The following LRP1B variants were observed in gnomAD, a reference collection of about 807,000 sequenced individuals.
LRP1B encodes the protein LDL receptor related protein 1B.
LRP1B carries 217 observed loss-of-function variants against 556.6 expected under a neutral mutation model. The ratio of observed to expected loss-of-function variants is 0.39; its 90% confidence interval spans 0.35 to 0.44. The LOEUF is 0.44. Ranked by LOEUF, LRP1B falls within the 20% of genes least tolerant of loss-of-function variation. The pLI, the probability that LRP1B is intolerant of heterozygous loss-of-function variation, is 1.00. For missense variants in LRP1B, 5,053 were observed against 5,620.8 expected (o/e 0.90, Z 3.23); for synonymous variants, 2,047 against 1,865.8 (o/e 1.10, Z -2.50).
At chr2:141,148,045 A>C (rs1461951681) in intron 7 of LRP1B, among the ~76,000 whole-genome samples, 2 of 152,176 alleles carry the variant, frequency 1.3e-5, no homozygotes, top group Non-Finnish European at 2.9e-5. Context: ...TGATGCTCAC[A>C]GAAGGACAAA....
intron 53 of LRP1B, 41 bp downstream of exon 53, chr2:140,506,753 CTT>C: frequency 1.3e-6 from 2 of 1,584,902 alleles, no homozygotes; most frequent in South Asian, 1.2e-5. Context: ...TTGAAAGACT[CTT>C]AGCCTAGGAA....
chr2:140,898,940 G>T (rs1222574815), intron 23 of LRP1B: 3 of 377,858 alleles, frequency 7.9e-6, no homozygotes, highest in Non-Finnish European at 1.0e-5. Flanking sequence ...AAGATATCTG[G>T]CTGTCCTTGC....
At chr2:141,690,623 C>T (rs1691494497) in intron 2 of LRP1B, among the ~76,000 whole-genome samples, 1 of 150,506 alleles carries the variant, frequency 6.6e-6, no homozygotes, top group Non-Finnish European at 1.5e-5. Flanking sequence ...ACATCAATAA[C>T]TAGGGATTCT....
chr2:140,550,315 C>T (rs1434566024), intron 43 of LRP1B, among the ~76,000 whole-genome samples: 2 of 152,070 alleles, frequency 1.3e-5, no homozygotes, highest in African/African-American at 2.4e-5. Context: ...TCTTTTCCTC[C>T]TAGGGGAAAG....
At chr2:140,986,242 T>C (rs1232912087) in intron 17 of LRP1B, among the ~76,000 whole-genome samples, 3 of 152,090 alleles carry the variant, frequency 2.0e-5, no homozygotes, top group Non-Finnish European at 4.4e-5. Flanking sequence ...TAGAACACGA[T>C]ATATCTATCC....
chr2:141,221,917 C>T (rs1303195554), intron 6 of LRP1B, among the ~76,000 whole-genome samples: 3 of 152,182 alleles, frequency 2.0e-5, no homozygotes, highest in Non-Finnish European at 4.4e-5. Flanking sequence ...CTCTGGGATG[C>T]AGCTAAAGCA....
intron 2 of LRP1B, among the ~76,000 whole-genome samples, chr2:141,555,723 C>A (rs371242491): frequency 3.3e-5 from 5 of 151,862 alleles, no homozygotes; most frequent in Admixed American, 6.6e-5. Flanking sequence ...ACCTCCTACA[C>A]AGCTTTCTAG....
intron 1 of LRP1B, among the ~76,000 whole-genome samples, chr2:141,911,106 T>C (rs1699897471): frequency 6.6e-6 from 1 of 152,090 alleles, no homozygotes; most frequent in Admixed American, 6.6e-5. Context: ...AAGGTTTTTT[T>C]AATACCACTT....
chr2:141,640,775 C>G (rs2105363889), intron 2 of LRP1B, among the ~76,000 whole-genome samples: 1 of 151,148 alleles, frequency 6.6e-6, no homozygotes, highest in East Asian at 2.0e-4. Context: ...GCCTGGGTGA[C>G]AGAGTGAGAC....
chr2:140,892,352 G>A (rs1693822846), intron 23 of LRP1B, among the ~76,000 whole-genome samples: 2 of 152,138 alleles, frequency 1.3e-5, no homozygotes, highest in African/African-American at 4.8e-5. Context: ...TTAGAACATA[G>A]TGTTGATTTC....
intron 41 of LRP1B, among the ~76,000 whole-genome samples, chr2:140,649,200 TGGTAGTGA>T (rs985678825): frequency 6.6e-6 from 1 of 152,184 alleles, no homozygotes; most frequent in African/African-American, 2.4e-5. Context: ...TTCTCTATCC[TGGTAGTGA>T]TTTCCTACCT....
chr2:141,429,468 GA>G (rs1680488302), intron 3 of LRP1B, among the ~76,000 whole-genome samples: 1 of 152,094 alleles, frequency 6.6e-6, no homozygotes, highest in Non-Finnish European at 1.5e-5. Flanking sequence ...CTTGGTTAAG[GA>G]AAACTGTTTT....
chr2:141,479,316 A>G (rs1682827703), intron 3 of LRP1B, among the ~76,000 whole-genome samples: 1 of 152,130 alleles, frequency 6.6e-6, no homozygotes, highest in African/African-American at 2.4e-5. Context: ...CATATTATTG[A>G]CTATACAATG....
chr2:141,341,180 A>G (rs13388305), intron 3 of LRP1B, among the ~76,000 whole-genome samples: 7,706 of 152,262 alleles, frequency 0.051, 637 homozygotes, highest in African/African-American at 0.17. Context: ...GCTAATCTGC[A>G]GATGAAGTAG....
At chr2:140,290,993 T>C (rs548470373) in intron 84 of LRP1B, among the ~76,000 whole-genome samples, 1 of 152,150 alleles carries the variant, frequency 6.6e-6, no homozygotes, top group Admixed American at 6.6e-5. Context: ...TTTGGACTAA[T>C]AGTATTAATC....
intron 6 of LRP1B, among the ~76,000 whole-genome samples, chr2:141,210,997 T>A (rs573183878): frequency 1.3e-5 from 2 of 152,178 alleles, no homozygotes; most frequent in African/African-American, 4.8e-5. Flanking sequence ...TTCCTATTAT[T>A]TGTTTATTGA....
intron 3 of LRP1B, among the ~76,000 whole-genome samples, chr2:141,276,708 G>A (rs1685308767): frequency 7.0e-6 from 1 of 142,232 alleles, no homozygotes; most frequent in South Asian, 2.2e-4. Context: ...CCAGGCTGGA[G>A]TGCAGTGGCA....
At chr2:140,279,242 A>G (rs1682816383) in intron 84 of LRP1B, among the ~76,000 whole-genome samples, 1 of 151,966 alleles carries the variant, frequency 6.6e-6, no homozygotes, top group East Asian at 1.9e-4. Context: ...GATACTTGTA[A>G]ATTGTAAAGC....
At chr2:141,299,706 C>CA (rs1354687256) in intron 3 of LRP1B, among the ~76,000 whole-genome samples, 4 of 152,112 alleles carry the variant, frequency 2.6e-5, no homozygotes, top group Non-Finnish European at 5.9e-5. Context: ...AAACTTACTT[C>CA]AAAAAACTCA....
Sources: gnomAD v4.1 joint callset for allele counts (sites outside exome capture counted in the v4.1 genomes callset) on GRCh38, gnomAD v4.1.1 for gene constraint, MANE v1.5 for transcripts, NCBI Gene and HGNC (gene_info 2026-07-23, HGNC 2026-07-21) for gene names.